The following AGBL4 variants were observed in gnomAD, a reference collection of about 807,000 sequenced individuals.
The protein encoded by AGBL4 is AGBL carboxypeptidase 4.
AGBL4 carries 58 observed loss-of-function variants against 66.4 expected under a neutral mutation model. That is an observed-to-expected ratio of 0.87 (90% confidence interval 0.71 to 1.09). The LOEUF is 1.09. Among genes scored for constraint, AGBL4 ranks in the 50% least tolerant of loss-of-function variants. The pLI is 0.00. For missense variants in AGBL4, 579 were observed against 631.0 expected, an observed-to-expected ratio of 0.92 and a Z score of 0.88; for synonymous variants, 234 against 222.9, an observed-to-expected ratio of 1.05 and a Z score of -0.44.
At chr1:49,616,700 T>C (rs1446473859) in intron 3 of AGBL4, among the ~76,000 whole-genome samples, 1 of 152,166 alleles carries the variant, frequency 6.6e-6, no homozygotes, top group African/African-American at 2.4e-5. Flanking sequence ...CTAGGCTCCT[T>C]ATCTTTCCTC....
downstream of AGBL4, among the ~76,000 whole-genome samples, chr1:48,529,418 G>A (rs1230922737): frequency 6.6e-6 from 1 of 152,088 alleles, no homozygotes; most frequent in Non-Finnish European, 1.5e-5. Flanking sequence ...CATAAATATA[G>A]GAAGTAGATA....
At chr1:49,278,238 AG>A (rs1348808569) in intron 3 of AGBL4, among the ~76,000 whole-genome samples, 1 of 152,164 alleles carries the variant, frequency 6.6e-6, no homozygotes, top group East Asian at 1.9e-4. Context: ...TAAACAAAAA[AG>A]TAGAAAATTT....
At chr1:50,002,470 C>T (rs1467375504) in intron 1 of AGBL4, among the ~76,000 whole-genome samples, 2 of 148,580 alleles carry the variant, frequency 1.3e-5, no homozygotes, top group African/African-American at 2.5e-5. Flanking sequence ...CCCGGGTTCA[C>T]GCCATTCACC....
chr1:49,094,505 G>A (rs931506690), intron 4 of AGBL4, among the ~76,000 whole-genome samples: 1 of 152,098 alleles, frequency 6.6e-6, no homozygotes, highest in African/African-American at 2.4e-5. Context: ...ATTTGCAGAT[G>A]TTGAACTAGC....
At chr1:48,522,538 C>T in the AGBL4 span, among the ~76,000 whole-genome samples, 1 of 152,150 alleles carries the variant, frequency 6.6e-6, no homozygotes, top group Non-Finnish European at 1.5e-5. Context: ...TAAAACACTG[C>T]TTTATTTATT....
intron 3 of AGBL4, among the ~76,000 whole-genome samples, chr1:49,537,704 C>T (rs1651708087): frequency 6.6e-6 from 1 of 152,192 alleles, no homozygotes; most frequent in Admixed American, 6.5e-5. Flanking sequence ...GCGGGCAGAT[C>T]ATGAGGTCAG....
chr1:49,309,598 C>G (rs1202141694), intron 3 of AGBL4, among the ~76,000 whole-genome samples: 1 of 151,628 alleles, frequency 6.6e-6, no homozygotes, highest in Non-Finnish European at 1.5e-5. Context: ...TTTTAATGGT[C>G]CTATTATAAC....
chr1:48,549,014 C>T (rs953755533), intron 11 of AGBL4, among the ~76,000 whole-genome samples: 3 of 152,168 alleles, frequency 2.0e-5, no homozygotes, highest in Non-Finnish European at 2.9e-5. Flanking sequence ...TCTTTTCTTG[C>T]CATTATCCTG....
intron 5 of AGBL4, among the ~76,000 whole-genome samples, chr1:48,987,363 G>A (rs1368977253): frequency 1.3e-5 from 2 of 151,878 alleles, no homozygotes; most frequent in African/African-American, 2.4e-5. Flanking sequence ...AAGCTGAAGT[G>A]GCCATATTAA....
intron 4 of AGBL4, among the ~76,000 whole-genome samples, chr1:49,159,262 T>A (rs1646495708): frequency 1.3e-5 from 2 of 152,130 alleles, no homozygotes. Context: ...GGCCTGCTGG[T>A]GACAAAATCT....
At chr1:48,715,394 C>T (rs996875292) in intron 6 of AGBL4, among the ~76,000 whole-genome samples, 3 of 152,118 alleles carry the variant, frequency 2.0e-5, no homozygotes, top group Non-Finnish European at 4.4e-5. Context: ...ATTTCTTGAA[C>T]AAAAACTGCT....
chr1:49,845,219 G>T (rs867686750), intron 2 of AGBL4: 1 of 1,500,082 alleles, frequency 6.7e-7, no homozygotes, highest in African/African-American at 1.4e-5. Flanking sequence ...AAACACCAGA[G>T]AATCCACACT....
chr1:50,000,947 T>C (rs1410689499), intron 1 of AGBL4, among the ~76,000 whole-genome samples: 3 of 151,986 alleles, frequency 2.0e-5, no homozygotes, highest in Non-Finnish European at 2.9e-5. Context: ...AAACTACACA[T>C]TGGGTACAGA....
intron 5 of AGBL4, among the ~76,000 whole-genome samples, chr1:48,897,318 AT>A (rs1397636378): frequency 6.6e-6 from 1 of 152,102 alleles, no homozygotes; most frequent in African/African-American, 2.4e-5. Context: ...GGGTTTCATT[AT>A]TTTTTATGGC....
intron 2 of AGBL4, among the ~76,000 whole-genome samples, chr1:49,717,981 T>C (rs769551330): frequency 3.9e-5 from 6 of 152,034 alleles, no homozygotes; most frequent in Non-Finnish European, 5.9e-5. Flanking sequence ...CAAAAGTAGA[T>C]AACTTCAATC....
At chr1:48,780,863 C>T (rs1277835689) in intron 6 of AGBL4, among the ~76,000 whole-genome samples, 1 of 152,170 alleles carries the variant, frequency 6.6e-6, no homozygotes, top group African/African-American at 2.4e-5. Flanking sequence ...AGGACATAGG[C>T]ATGGGCAAAG....
intron 8 of AGBL4, among the ~76,000 whole-genome samples, chr1:48,645,800 C>T (rs1398689524): frequency 2.0e-5 from 3 of 152,134 alleles, no homozygotes; most frequent in African/African-American, 4.8e-5. Flanking sequence ...ATCCTTCAGT[C>T]GTGGACACCC....
chr1:49,731,119 C>G (rs1391216750), intron 2 of AGBL4, among the ~76,000 whole-genome samples: 1 of 152,116 alleles, frequency 6.6e-6, no homozygotes, highest in African/African-American at 2.4e-5. Flanking sequence ...ATTCCCTTGG[C>G]TCCCTCTCTG....
intron 2 of AGBL4, among the ~76,000 whole-genome samples, chr1:49,813,675 C>T (rs558403571): frequency 2.4e-4 from 37 of 152,206 alleles, no homozygotes; most frequent in African/African-American, 2.2e-4. Context: ...AAACACAATC[C>T]TATTCTCAGG....
Sources: gnomAD v4.1 joint callset for allele counts (sites outside exome capture counted in the v4.1 genomes callset) on GRCh38, gnomAD v4.1.1 for gene constraint, MANE v1.5 for transcripts, NCBI Gene and HGNC (gene_info 2026-07-23, HGNC 2026-07-21) for gene names.